Variants in HCN1 observed in about 807,000 individuals in gnomAD.
HCN1 encodes the protein potassium/sodium hyperpolarization-activated cyclic nucleotide-gated channel 1.
Under a neutral mutation model 78.9 loss-of-function variants are expected in HCN1, and 13 were observed. That is an observed-to-expected ratio of 0.16 (90% CI 0.11 to 0.26). The LOEUF (loss-of-function observed/expected upper bound fraction) is 0.26. Ranked by LOEUF, HCN1 falls within the 10% of genes least tolerant of loss-of-function variation. The probability of loss-of-function intolerance (pLI) is 1.00; values close to 1 mark genes in which losing one functional copy is unlikely to be tolerated. For missense variants in HCN1, 810 were observed against 1,154.3 expected, an observed-to-expected ratio of 0.70 and a Z score of 4.32; for synonymous variants, 552 against 455.5, an observed-to-expected ratio of 1.21 and a Z score of -2.70.
At chr5:45,386,065 A>T (rs975169590) in intron 4 of HCN1, among the ~76,000 whole-genome samples, 1 of 152,138 alleles carries the variant, frequency 6.6e-6, no homozygotes, top group African/African-American at 2.4e-5. Flanking sequence ...ATTGAAAGCT[A>T]TATGTCATGG....
At chr5:45,342,396 T>A (rs1451502536) in intron 5 of HCN1, among the ~76,000 whole-genome samples, 1 of 86,378 alleles carries the variant, frequency 1.2e-5, no homozygotes, top group Non-Finnish European at 2.0e-5. Context: ...CACCTGGCTA[T>A]TTTTTTTTTT....
At chr5:45,404,347 A>G (rs1247742894) in intron 3 of HCN1, among the ~76,000 whole-genome samples, 1 of 152,178 alleles carries the variant, frequency 6.6e-6, no homozygotes, top group Non-Finnish European at 1.5e-5. Context: ...GACAATAAGC[A>G]AATAAAATAT....
intron 3 of HCN1, among the ~76,000 whole-genome samples, chr5:45,418,219 T>G (rs1561147078): frequency 6.6e-6 from 1 of 151,790 alleles, no homozygotes; most frequent in Non-Finnish European, 1.5e-5. Context: ...GAAAAAGTGT[T>G]TATAATGTAC....
intron 2 of HCN1, among the ~76,000 whole-genome samples, chr5:45,622,065 C>T (rs1413943297): frequency 6.6e-6 from 1 of 151,694 alleles, no homozygotes; most frequent in Non-Finnish European, 1.5e-5. Flanking sequence ...CTAAAAAATA[C>T]AAAAAAATTA....
chr5:45,604,127 T>A (rs1450979276), intron 2 of HCN1, among the ~76,000 whole-genome samples: 1 of 152,106 alleles, frequency 6.6e-6, no homozygotes, highest in African/African-American at 2.4e-5. Flanking sequence ...CCAGACAGAA[T>A]TGACAGAATG....
intron 3 of HCN1, among the ~76,000 whole-genome samples, chr5:45,418,071 A>G: frequency 6.6e-6 from 1 of 152,106 alleles, no homozygotes; most frequent in East Asian, 1.9e-4. Context: ...ACCTAAAATA[A>G]TAAAGTGGCA....
In HCN1 at chr5:45,259,796, ATAATT is replaced by A. The variant is rs1438690472; in HGVS notation, c.*2120_*2124del. 6.6e-6 allele frequency: 1 copy of A among 152,538 alleles called. No homozygotes were observed. Among genetic ancestry groups the A allele is most frequent in the Non-Finnish European group, 1.5e-5 (1 of 67,992 alleles). 9.4% of individuals were successfully genotyped at this position (152,538 alleles called of 1,614,324 possible). On this transcript the variant is annotated 3_prime_UTR_variant, in exon 8 of 8. Coordinates refer to ENST00000303230, the MANE Select transcript of HCN1 (RefSeq NM_021072.4). Reference sequence around the variant, plus strand: ...TAATCCTATCAAATGTAAACCTTTAATAATTTAAAGGACCAATACGTAATCTTAAT... The same window carrying A: ...TAATCCTATCAAATGTAAACCTTTAATAAAGGACCAATACGTAATCTTAAT...
rs186403685 is a variant in HCN1, at chr5:45,546,781, G to A, written c.850-84774C>T. On this transcript the variant is annotated intron_variant, in intron 2 of 7. Coordinates refer to ENST00000303230, the MANE Select transcript of HCN1 (RefSeq NM_021072.4). ...CAGACCAGAAGACACCTTAAATATC[G>A]TTATTCCAACTATACTATGCTATTT... Among the ~76,000 whole-genome samples the A allele has an allele frequency of 1.1e-4, 17 of 151,728 alleles. No homozygotes were observed. In the East Asian group the frequency reaches 2.5e-3, roughly 23 times the overall value.
At chr5:45,619,845 G>C (rs1035823841) in intron 2 of HCN1, among the ~76,000 whole-genome samples, 11 of 152,164 alleles carry the variant, frequency 7.2e-5, no homozygotes, top group African/African-American at 2.6e-4. Flanking sequence ...CTCTCGGGTG[G>C]TAGAGATTAA....
intron 2 of HCN1, among the ~76,000 whole-genome samples, chr5:45,484,183 A>G (rs1741712677): frequency 6.6e-6 from 1 of 152,138 alleles, no homozygotes; most frequent in South Asian, 2.1e-4. Flanking sequence ...CTGTAATCCC[A>G]TCACTTTGGG....
chr5:45,634,053 TGGGTAATA>T (rs1745316443), intron 2 of HCN1, among the ~76,000 whole-genome samples: 1 of 152,024 alleles, frequency 6.6e-6, no homozygotes, highest in South Asian at 2.1e-4. Flanking sequence ...TAGGCAAATC[TGGGTAATA>T]GGGCGGCAGG....
chr5:45,501,900 C>A (rs1742197260), intron 2 of HCN1, among the ~76,000 whole-genome samples: 1 of 152,086 alleles, frequency 6.6e-6, no homozygotes, highest in South Asian at 2.1e-4. Context: ...TTATTAGACT[C>A]TTCTTCTCCA....
At chr5:45,426,010 G>C (rs528515434) in intron 3 of HCN1, among the ~76,000 whole-genome samples, 9 of 152,274 alleles carry the variant, frequency 5.9e-5, no homozygotes, top group Middle Eastern at 3.4e-3. Flanking sequence ...GGAATGAGAA[G>C]ATAGGTACTA....
intron 2 of HCN1, among the ~76,000 whole-genome samples, chr5:45,588,224 T>C (rs1259438037): frequency 6.6e-6 from 1 of 152,114 alleles, no homozygotes; most frequent in Non-Finnish European, 1.5e-5. Context: ...GTCAAGATAA[T>C]ATAATAATGT....
intron 4 of HCN1, among the ~76,000 whole-genome samples, chr5:45,366,732 G>T (rs1306846350): frequency 6.6e-6 from 1 of 151,702 alleles, no homozygotes; most frequent in Non-Finnish European, 1.5e-5. Context: ...CATATCTGAT[G>T]AAGAAAGGAG....
chr5:45,376,894 A>G lies in HCN1; in HGVS notation c.1230+19598T>C, dbSNP rs1747692520. Among the ~76,000 whole-genome samples the G allele has an allele frequency of 1.3e-5, 2 of 152,000 alleles. 1 individual carries two copies. The highest frequency in any genetic ancestry group is 4.1e-4 in the South Asian group (2 of 4,834). On this transcript the variant is annotated intron_variant, in intron 4 of 7. Transcript: ENST00000303230. ...TATGATTTCTTAGAAGATTTCAGGT[A>G]ATTCTAATGTTCAGCCAGGTCTGAG...
chr5:45,502,174 A>G (rs1742204103), intron 2 of HCN1, among the ~76,000 whole-genome samples: 1 of 152,090 alleles, frequency 6.6e-6, no homozygotes, highest in South Asian at 2.1e-4. Flanking sequence ...ATCCTTAACA[A>G]TGACAAAATG....
intron 5 of HCN1, among the ~76,000 whole-genome samples, chr5:45,339,341 TATAAATGGTAAAA>T (rs1264577559): frequency 6.6e-6 from 1 of 152,110 alleles, no homozygotes; most frequent in Non-Finnish European, 1.5e-5. Flanking sequence ...TTAGGTAACT[TATAAATGGTAAAA>T]ATGCTTACAG....
intron 2 of HCN1, among the ~76,000 whole-genome samples, chr5:45,498,374 G>A (rs1313317798): frequency 1.3e-5 from 2 of 151,928 alleles, no homozygotes; most frequent in Non-Finnish European, 2.9e-5. Flanking sequence ...CCAGTTCATC[G>A]CATTGGCTCC....
Sources: allele counts gnomAD v4.1 joint callset (sites outside exome capture counted in the v4.1 genomes callset), GRCh38; gene constraint gnomAD v4.1.1; transcripts MANE v1.5; gene names NCBI Gene and HGNC (gene_info 2026-07-23, HGNC 2026-07-21).